PCDH9: variants seen among roughly 807,000 people sequenced by gnomAD.
PCDH9 encodes protocadherin 9, also known as protocadherin-9.
Under a neutral mutation model 70.6 loss-of-function variants are expected in PCDH9, and 24 were observed. The ratio of observed to expected loss-of-function variants is 0.34; its 90% CI spans 0.25 to 0.48. The LOEUF (loss-of-function observed/expected upper bound fraction) is 0.48, where lower values mean the gene tolerates loss of function less well. Among genes scored for constraint, PCDH9 ranks in the 20% least tolerant of loss-of-function variants. The pLI is 0.99. For missense variants in PCDH9, 1,281 were observed against 1,503.6 expected (o/e 0.85, Z 2.45); for synonymous variants, 562 against 558.5 (o/e 1.01, Z -0.09).
intron 2 of PCDH9, chr13:67,206,809 A>T (rs1245753933): frequency 6.6e-6 from 1 of 152,164 alleles, no homozygotes; most frequent in Non-Finnish European, 1.5e-5. Flanking sequence ...ATTCCAGTCA[A>T]GTAGTCTAGG....
At chr13:67,029,646 A>G (rs2084864334) in intron 2 of PCDH9, among the ~76,000 whole-genome samples, 1 of 152,180 alleles carries the variant, frequency 6.6e-6, no homozygotes, top group Non-Finnish European at 1.5e-5. Context: ...GTGCTTTTGA[A>G]TGATCAATAT....
At chr13:66,915,880 C>T (rs1407984530) in intron 2 of PCDH9, among the ~76,000 whole-genome samples, 1 of 151,530 alleles carries the variant, frequency 6.6e-6, no homozygotes, top group Non-Finnish European at 1.5e-5. Context: ...CTCTCCCCTC[C>T]GTAGCACAGA....
chr13:66,557,932 G>A (rs1371597734), intron 4 of PCDH9, among the ~76,000 whole-genome samples: 2 of 152,134 alleles, frequency 1.3e-5, no homozygotes, highest in East Asian at 1.9e-4. Flanking sequence ...CTGGAGGATC[G>A]CTTCAGGCCA....
intron 3 of PCDH9, among the ~76,000 whole-genome samples, chr13:66,821,332 A>G (rs1337069259): frequency 6.6e-6 from 1 of 152,304 alleles, no homozygotes; most frequent in Non-Finnish European, 1.5e-5. Flanking sequence ...ATAGGCAACA[A>G]GAGGAAAATT....
intron 2 of PCDH9, among the ~76,000 whole-genome samples, chr13:66,926,324 T>C (rs551685893): frequency 6.6e-6 from 1 of 152,108 alleles, no homozygotes; most frequent in South Asian, 2.1e-4. Context: ...TGCAATGCCC[T>C]GTGTGGACAG....
chr13:66,445,020 G>T (rs1196763565), intron 4 of PCDH9, among the ~76,000 whole-genome samples: 1 of 147,996 alleles, frequency 6.8e-6, no homozygotes, highest in Non-Finnish European at 1.5e-5. Context: ...TGTAACACAC[G>T]ATGATTGTGG....
At chr13:66,811,042 C>A (rs1342233381) in intron 3 of PCDH9, among the ~76,000 whole-genome samples, 1 of 151,962 alleles carries the variant, frequency 6.6e-6, no homozygotes. Flanking sequence ...ATTGTAGTTT[C>A]ATTGAACATT....
At chr13:66,715,890 T>A (rs1162136363) in intron 3 of PCDH9, among the ~76,000 whole-genome samples, 1 of 152,214 alleles carries the variant, frequency 6.6e-6, no homozygotes, top group East Asian at 1.9e-4. Flanking sequence ...AACATCTGCT[T>A]TCGCAGTTGT....
chr13:67,172,467 G>A (rs2088315857), intron 2 of PCDH9, among the ~76,000 whole-genome samples: 3 of 152,164 alleles, frequency 2.0e-5, no homozygotes, highest in African/African-American at 4.8e-5. Context: ...GTAACAGAGA[G>A]TTGGCTTCAA....
intron 2 of PCDH9, among the ~76,000 whole-genome samples, chr13:67,011,847 C>T (rs1185135292): frequency 6.6e-6 from 1 of 151,752 alleles, no homozygotes; most frequent in East Asian, 1.9e-4. Flanking sequence ...ATGACTAGGT[C>T]GCTACTAATA....
intron 2 of PCDH9, chr13:67,218,367 C>T (rs1317691533): frequency 6.6e-6 from 1 of 152,086 alleles, no homozygotes; most frequent in African/African-American, 2.4e-5. Context: ...GGCAAAGTAA[C>T]TAGCACTGGG....
intron 4 of PCDH9, among the ~76,000 whole-genome samples, chr13:66,425,054 A>G (rs996025711): frequency 1.3e-5 from 2 of 151,932 alleles, no homozygotes; most frequent in Non-Finnish European, 2.9e-5. Flanking sequence ...TTCAGCTTAC[A>G]TCAACTACTT....
At chr13:67,111,080 G>A (rs1307466741) in intron 2 of PCDH9, among the ~76,000 whole-genome samples, 3 of 152,058 alleles carry the variant, frequency 2.0e-5, no homozygotes, top group Non-Finnish European at 4.4e-5. Flanking sequence ...TTCCTTACAT[G>A]GCATGTAGTT....
intron 2 of PCDH9, among the ~76,000 whole-genome samples, chr13:67,088,675 G>A (rs982876872): frequency 2.0e-5 from 3 of 152,056 alleles, no homozygotes; most frequent in Non-Finnish European, 4.4e-5. Context: ...CAGGGAAAAC[G>A]TGTGTTTAAT....
chr13:66,677,993 T>G (rs542072567), intron 3 of PCDH9, among the ~76,000 whole-genome samples: 2 of 152,264 alleles, frequency 1.3e-5, no homozygotes, highest in African/African-American at 4.8e-5. Flanking sequence ...AATTTCAGCT[T>G]TACTTAAAAA....
intron 3 of PCDH9, among the ~76,000 whole-genome samples, chr13:66,818,484 A>T (rs144898524): frequency 3.4e-4 from 52 of 152,230 alleles, no homozygotes; most frequent in African/African-American, 1.3e-3. Context: ...TCTTAAACTC[A>T]TGCTGTGACA....
intron 3 of PCDH9, among the ~76,000 whole-genome samples, chr13:66,793,177 T>A (rs945909339): frequency 6.6e-6 from 1 of 152,012 alleles, no homozygotes; most frequent in African/African-American, 2.4e-5. Context: ...TCATTAGATG[T>A]AAAACCTGGG....
intron 2 of PCDH9, among the ~76,000 whole-genome samples, chr13:67,127,523 G>C (rs892596715): frequency 6.6e-6 from 1 of 152,026 alleles, no homozygotes; most frequent in African/African-American, 2.4e-5. Flanking sequence ...GTGCTAGTGT[G>C]TGTGTGCATG....
At chr13:66,687,865 C>T (rs561456558) in intron 3 of PCDH9, among the ~76,000 whole-genome samples, 1 of 152,100 alleles carries the variant, frequency 6.6e-6, no homozygotes, top group South Asian at 2.1e-4. Context: ...TCTTGATGTT[C>T]CTGTTGCTCA....
Sources: allele counts gnomAD v4.1 joint callset (sites outside exome capture counted in the v4.1 genomes callset), GRCh38; gene constraint gnomAD v4.1.1; transcripts MANE v1.5; gene names NCBI Gene and HGNC (gene_info 2026-07-23, HGNC 2026-07-21).